The following MAPK8IP3 variants were observed in gnomAD, a reference collection of about 807,000 sequenced individuals.
MAPK8IP3 encodes mitogen-activated protein kinase 8 interacting protein 3, also known as C-Jun-amino-terminal kinase-interacting protein 3.
A neutral mutation model predicts 157.8 loss-of-function variants in MAPK8IP3; 49 were observed. That is an observed-to-expected ratio of 0.31 (90% confidence interval 0.25 to 0.39). The LOEUF is 0.39. Among genes scored for constraint, MAPK8IP3 ranks in the 10% least tolerant of loss-of-function variants. MAPK8IP3 has a pLI of 1.00. For missense variants in MAPK8IP3, 1,478 were observed against 1,889.4 expected (o/e 0.78, Z 4.04); for synonymous variants, 897 against 777.7 (o/e 1.15, Z -2.55).
At chr16:1,721,322 A>AG (rs2038506880) in intron 1 of MAPK8IP3, among the ~76,000 whole-genome samples, 1 of 150,772 alleles carries the variant, frequency 6.6e-6, no homozygotes, top group African/African-American at 2.4e-5. Context: ...AAAAAAAAAA[A>AG]AAAATCCTTT....
chr16:1,762,803 T>TGCCCACC, intron 15 of MAPK8IP3, 33 bp from the exon 16 acceptor site: 1 of 1,605,048 alleles, frequency 6.2e-7, no homozygotes, highest in African/African-American at 1.3e-5. Context: ...CCTGGTCCTC[T>TGCCCACC]GCCCACCCCT....
rs752358288 is a variant in MAPK8IP3 at position 1,765,116 on chromosome 16, G to A, written c.2384G>A (p.Gly795Asp). 6.2e-7 allele frequency: 1 copy of A among 1,612,466 alleles called. No homozygotes were observed. Among genetic ancestry groups the A allele is most frequent in the South Asian group, 1.1e-5 (1 of 91,078 alleles). The change falls in exon 20 of 32, where the codon GGC (glycine) becomes GAC (aspartate). Residue 795 changes from glycine to aspartate, a missense_variant. Coordinates refer to ENST00000610761, the MANE Select transcript of MAPK8IP3 (RefSeq NM_001318852.2). ...KVVIIDANQP[G>D]TVVDQFTVCN... is the part of the protein sequence containing the mutation. Reference sequence around the variant, plus strand: ...GTGATCATCGACGCCAACCAGCCGGGCACGGTGGTGGACCAGTTCACCGTC... The same window carrying A: ...GTGATCATCGACGCCAACCAGCCGGACACGGTGGTGGACCAGTTCACCGTC...
chr16:1,736,160 G>C (rs190829575), intron 4 of MAPK8IP3, among the ~76,000 whole-genome samples: 1 of 130,640 alleles, frequency 7.7e-6, no homozygotes, highest in African/African-American at 2.9e-5. Flanking sequence ...GTGACCGTCC[G>C]TGTGAGCGTC....
At position 1,742,999 on chromosome 16, in the gene MAPK8IP3, G is replaced by A. The variant is rs145044349; in HGVS notation, c.603-333G>A. 3.9e-3 allele frequency among the ~76,000 whole-genome samples: 596 copies of A among 152,212 alleles called. 4 individuals carry two copies. The highest frequency in any genetic ancestry group is 0.013 in the African/African-American group (544 of 41,516). Reference sequence around the variant, plus strand: ...AATTAGCCAGGCGTGGGAGGCTGAGGCAGGAGAATGGCGTGAACCTGGGAG... The same window carrying A: ...AATTAGCCAGGCGTGGGAGGCTGAGACAGGAGAATGGCGTGAACCTGGGAG... On this transcript the variant is annotated intron_variant, in intron 4 of 31. Coordinates refer to ENST00000610761, the MANE Select transcript of MAPK8IP3 (RefSeq NM_001318852.2). This position sits in a 1 kb window ranked among gnomAD's most constrained non-coding sequence, Gnocchi z 5.0.
At position 1,767,665 on chromosome 16, in the gene MAPK8IP3, G is replaced by A. The variant is rs776556065; in HGVS notation, c.3339G>A (p.Arg1113=). 6.2e-7 allele frequency: 1 copy of A among 1,612,750 alleles called. No individual in the cohort carries two copies. Residue 1113 remains arginine, a synonymous_variant, in exon 27 of 32, where the codon AGG becomes AGA. Transcript: ENST00000610761. The part of the protein sequence containing the change: ...WVSIRLDSTL[R]LYHAHTHQHL... ...CCATCCGCCTGGACTCCACCCTGAG[G>A]CTCTACCATGCACACACGCACCAGC...
chr16:1,735,851 G>A (rs2039708902), intron 4 of MAPK8IP3, among the ~76,000 whole-genome samples: 1 of 142,402 alleles, frequency 7.0e-6, no homozygotes, highest in South Asian at 2.3e-4. Flanking sequence ...GACCGCCCGT[G>A]TGAGCATCCA....
At chr16:1,758,313 G>A (rs555513203) in intron 9 of MAPK8IP3, among the ~76,000 whole-genome samples, 154 bp downstream of exon 9, 17 of 152,304 alleles carry the variant, frequency 1.1e-4, no homozygotes, top group East Asian at 9.7e-4. Flanking sequence ...ACCGCCGCTC[G>A]GAAGCTTGTT....
rs200660093 is a variant in MAPK8IP3, at chr16:1,766,610, T to C, written c.2901T>C (p.Ser967=). The C allele has an allele frequency of 1.7e-4, 272 of 1,612,436 alleles. No individual in the cohort carries two copies. In the African/African-American group the frequency reaches 3.2e-3, roughly 19 times the overall value. ...GGGACCCCACGGGAGCAGGCAGCAG[T>C]GCTGCACCCACCATGTGGCTGGGAG... is the stretch of plus-strand genomic sequence containing the variant. ...PSGDPTGAGS[S]AAPTMWLGAQ... Residue 967 remains serine, a synonymous_variant, in exon 23 of 32, where the codon AGT becomes AGC. Coordinates refer to ENST00000610761, the MANE Select transcript of MAPK8IP3 (RefSeq NM_001318852.2).
chr16:1,767,196 C>A lies in MAPK8IP3; in HGVS notation c.3136C>A (p.Pro1046Thr), dbSNP rs757081049. ...CTATCACCTAATGGACCTGGGCCAC[C>A]CGCACCACTCCATCCGCTGCATGGC... The part of the protein sequence containing the change: ...SNYHLMDLGH[P>T]HHSIRCMAVV... The change falls in exon 26 of 32, where the codon CCG becomes ACG. Residue 1046 changes from proline to threonine, a missense_variant. Physicochemically the swap from Pro to Thr is conservative, Grantham distance 38 (BLOSUM62 -1). Around this residue, in one of 11 missense-constraint regions of MAPK8IP3, gnomAD observed 669 missense variants for 759.8 expected, o/e 0.88. Coordinates refer to ENST00000610761, the MANE Select transcript of MAPK8IP3 (RefSeq NM_001318852.2). 10 of 1,613,346 alleles carry A rather than the reference C, an allele frequency of 6.2e-6. No homozygotes were observed. The South Asian group carries it at 8.8e-5, about 14-fold the overall frequency.
At chr16:1,763,636 A>C (rs2042080542) in intron 16 of MAPK8IP3, 21 bp from the exon 17 acceptor site, 1 of 1,534,084 alleles carries the variant, frequency 6.5e-7, no homozygotes, top group Admixed American at 2.0e-5. Flanking sequence ...CAGAGACATC[A>C]CCCATCATTC....
At position 1,729,645 on chromosome 16, in the gene MAPK8IP3, A is replaced by C. The variant is rs115886336; in HGVS notation, c.602+67A>C. The C allele has an allele frequency of 4.9e-3, 7,005 of 1,428,160 alleles. 285 individuals carry two copies. The African/African-American group carries it at 0.084, about 17-fold the overall frequency. The allele number at this position is 1,428,160 out of a possible 1,614,324, so 88.5% of individuals were successfully genotyped here. On this transcript the variant is annotated intron_variant, in intron 4 of 31. Transcript: ENST00000610761. Reference sequence around the variant, plus strand: ...GGGGCGGAGGTACGCAGGACGCGGCACATGCCAGGGTCGTAGTGCTTGTTA... The same window carrying C: ...GGGGCGGAGGTACGCAGGACGCGGCCCATGCCAGGGTCGTAGTGCTTGTTA...
intron 5 of MAPK8IP3, chr16:1,744,613 C>T: frequency 1.0e-6 from 1 of 985,582 alleles, no homozygotes; most frequent in Non-Finnish European, 1.2e-6. Context: ...CTCACGCTTC[C>T]CGGGCCTGGA....
chr16:1,721,258 G>A (rs940847669), intron 1 of MAPK8IP3, among the ~76,000 whole-genome samples: 4 of 151,122 alleles, frequency 2.6e-5, no homozygotes, highest in African/African-American at 7.3e-5. Flanking sequence ...ACTTGAACCC[G>A]GGAGGCGGAG....
At chr16:1,730,206 A>C (rs1221430810) in intron 4 of MAPK8IP3, among the ~76,000 whole-genome samples, 2 of 152,148 alleles carry the variant, frequency 1.3e-5, no homozygotes, top group East Asian at 3.8e-4. Flanking sequence ...GGCTGCAGTG[A>C]TCTACAGTCG....
chr16:1,753,866 C>T (rs998413996), intron 8 of MAPK8IP3, among the ~76,000 whole-genome samples: 8 of 152,022 alleles, frequency 5.3e-5, no homozygotes, highest in Non-Finnish European at 1.2e-4. Flanking sequence ...AAAAAATGTA[C>T]GTCTTAGAAT....
In MAPK8IP3 at chr16:1,735,550, TGA is replaced by T. The variant is rs548404141; in HGVS notation, c.602+5976_602+5977del. On this transcript the variant is annotated intron_variant, in intron 4 of 31. Coordinates refer to ENST00000610761, the MANE Select transcript of MAPK8IP3 (RefSeq NM_001318852.2). ...GTGACCGTCCGTGTGAGCGTCCGTG[TGA>T]GAGTGTGACCGTCCATGTGAGAGTC... Among the ~76,000 whole-genome samples, 416 of 129,382 alleles carry T rather than the reference TGA, an allele frequency of 3.2e-3. 1 individual carries two copies. Among genetic ancestry groups the T allele is most frequent in the Non-Finnish European group, 3.8e-3 (239 of 62,746 alleles). 84.9% of individuals were successfully genotyped at this position (129,382 alleles called of 152,430 possible).
intron 4 of MAPK8IP3, among the ~76,000 whole-genome samples, chr16:1,739,984 G>A (rs1265769682): frequency 4.1e-4 from 56 of 135,268 alleles, no homozygotes; most frequent in East Asian, 3.4e-3. Flanking sequence ...GTGACCGTCC[G>A]TGTGAGCATC....
In MAPK8IP3 at chr16:1,729,133, T is replaced by C; in HGVS notation, c.440-5T>C. 1 of 1,613,942 alleles carries C rather than the reference T, an allele frequency of 6.2e-7. No individual in the cohort carries two copies. On this transcript the variant is annotated splice_polypyrimidine_tract_variant and splice_region_variant and intron_variant, in intron 2 of 31. Coordinates refer to ENST00000610761, the MANE Select transcript of MAPK8IP3 (RefSeq NM_001318852.2). ...TGCGGCTCAGACAGTGATTGTGTTT[T>C]CCAGTTTCCCGGTTGGAGGAGCGGG...
intron 1 of MAPK8IP3, among the ~76,000 whole-genome samples, chr16:1,718,757 C>CA (rs923097622): frequency 2.0e-5 from 3 of 150,610 alleles, no homozygotes; most frequent in Non-Finnish European, 4.4e-5. Flanking sequence ...CGCACCACTG[C>CA]ACACCAGCCT....
Sources: gnomAD v4.1 joint callset for allele counts (sites outside exome capture counted in the v4.1 genomes callset) on GRCh38, gnomAD v4.1.1 for gene constraint, gnomAD v4.1.1 regional missense constraint, Gnocchi (gnomAD v3.1) non-coding constraint, MANE v1.5 for transcripts, NCBI Gene and HGNC (gene_info 2026-07-23, HGNC 2026-07-21) for gene names.